Variants in UBE2E1 observed in about 807,000 individuals in gnomAD.
The protein encoded by UBE2E1 is ubiquitin conjugating enzyme E2 E1, also known as ubiquitin-conjugating enzyme E2 E1.
UBE2E1 carries 6 observed loss-of-function variants against 21.4 expected under a neutral mutation model. That is an observed-to-expected ratio of 0.28 (90% CI 0.15 to 0.55). The LOEUF (loss-of-function observed/expected upper bound fraction) is 0.55, where lower values mean the gene tolerates loss of function less well. UBE2E1 is among the 20% of genes least tolerant of loss of function. The probability of loss-of-function intolerance (pLI) is 0.93; values close to 1 mark genes in which losing one functional copy is unlikely to be tolerated. For synonymous variants in UBE2E1, 87 were observed against 82.7 expected, an observed-to-expected ratio of 1.05 and a Z score of -0.28; for missense variants, 142 against 236.5, an observed-to-expected ratio of 0.60 and a Z score of 2.62.
intron 3 of UBE2E1, among the ~76,000 whole-genome samples, chr3:23,846,291 A>G (rs2125304008): frequency 6.6e-6 from 1 of 152,318 alleles, no homozygotes; most frequent in Admixed American, 6.5e-5. Context: ...AGCTGGGTGC[A>G]GTGGCCCATT....
intron 3 of UBE2E1, among the ~76,000 whole-genome samples, chr3:23,857,318 A>G (rs995712412): frequency 6.6e-6 from 1 of 152,174 alleles, no homozygotes; most frequent in African/African-American, 2.4e-5. Context: ...TGTTAAAGTA[A>G]AAGAGGAATT....
chr3:23,883,026 G>A (rs1179089437), intron 3 of UBE2E1, among the ~76,000 whole-genome samples: 7 of 152,222 alleles, frequency 4.6e-5, no homozygotes, highest in African/African-American at 1.4e-4. Flanking sequence ...CGCGGCCAGA[G>A]TGGGCACCAA....
At position 23,870,975 on chromosome 3, in the gene UBE2E1, A is replaced by T. The variant is rs1245650854; in HGVS notation, c.204-16592A>T. 2.0e-5 allele frequency among the ~76,000 whole-genome samples: 3 copies of T among 152,246 alleles called. No individual in the cohort carries two copies. The highest frequency in any genetic ancestry group is 2.9e-5 in the Non-Finnish European group (2 of 68,040). ...CCTGAGTGGACACAGCACATGTTTC[A>T]GAGGGCACAGGGTTGGGGGTAAGGT... On this transcript the variant is annotated intron_variant, in intron 3 of 5. Coordinates refer to ENST00000306627, the MANE Select transcript of UBE2E1 (RefSeq NM_003341.5). The surrounding 1 kb of genome is among the most constrained non-coding windows in gnomAD (Gnocchi z 4.2).
intron 3 of UBE2E1, among the ~76,000 whole-genome samples, chr3:23,872,055 C>T (rs901683594): frequency 2.0e-5 from 3 of 152,080 alleles, no homozygotes; most frequent in African/African-American, 4.8e-5. Flanking sequence ...CGGCCGAGAT[C>T]ACGCCACTGC....
intron 3 of UBE2E1, among the ~76,000 whole-genome samples, chr3:23,833,170 C>T (rs1699904794): frequency 6.6e-6 from 1 of 152,310 alleles, no homozygotes; most frequent in Non-Finnish European, 1.5e-5. Context: ...TGTCTCTTAG[C>T]ACTTCCTTTT....
In UBE2E1 at chr3:23,816,789, A is replaced by C. The variant is rs1699528300; in HGVS notation, c.203+5279A>C. Among the ~76,000 whole-genome samples the C allele has an allele frequency of 6.6e-6, 1 of 152,228 alleles. No individual in the cohort carries two copies. The highest frequency in any genetic ancestry group is 6.5e-5 in the Admixed American group (1 of 15,284). On this transcript the variant is annotated intron_variant, in intron 3 of 5. Transcript: ENST00000306627. The surrounding 1 kb of genome is among the most constrained non-coding windows in gnomAD (Gnocchi z 4.8). ...GATTCCACTTACATGAAATACCTAG[A>C]ATAGGCAAACTCATAAGGACAGACA... is the stretch of plus-strand genomic sequence containing the variant.
chr3:23,848,754 C>CA (rs1252910081), intron 3 of UBE2E1, among the ~76,000 whole-genome samples: 2 of 151,986 alleles, frequency 1.3e-5, no homozygotes, highest in African/African-American at 4.8e-5. Flanking sequence ...AACAGAAGGC[C>CA]AAAAGGGAGG....
intron 3 of UBE2E1, among the ~76,000 whole-genome samples, chr3:23,845,583 C>CTGTGTGTGTGTGTGTGTG (rs768414328): frequency 7.4e-4 from 36 of 48,878 alleles, no homozygotes; most frequent in East Asian, 2.5e-3. Flanking sequence ...CTCTCTCTCT[C>CTGTGTGTGTGTGTGTGTG]TCTCTCTGTG....
chr3:23,862,589 T>C (rs1298057944), intron 3 of UBE2E1, among the ~76,000 whole-genome samples: 1 of 152,234 alleles, frequency 6.6e-6, no homozygotes, highest in Non-Finnish European at 1.5e-5. Flanking sequence ...TTATGCTTGA[T>C]TTCTGGGGAC....
Position 23,890,490 on chromosome 3 carries a change from C to G in UBE2E1, c.485-19C>G. 6.2e-7 allele frequency: 1 copy of G among 1,605,468 alleles called. No homozygotes were observed. The highest frequency in any genetic ancestry group is 8.5e-7 in the Non-Finnish European group (1 of 1,176,356). On this transcript the variant is annotated intron_variant, in intron 5 of 5. Transcript: ENST00000306627. ...GTTCTTTTCCTTTCTCCAAAGTAAT[C>G]TACATTCTTTTCTTCCAGCCGACCC...
intron 3 of UBE2E1, among the ~76,000 whole-genome samples, chr3:23,813,008 A>G (rs1468545001): frequency 6.6e-6 from 1 of 150,640 alleles, no homozygotes; most frequent in Non-Finnish European, 1.5e-5. Context: ...AAAAAAAAAC[A>G]GTGTAAGTAC....
intron 3 of UBE2E1, among the ~76,000 whole-genome samples, chr3:23,871,007 T>C (rs1418914353): frequency 5.9e-5 from 9 of 152,272 alleles, no homozygotes; most frequent in Non-Finnish European, 1.2e-4. Flanking sequence ...AGGTCACAGA[T>C]CAACAGGATC....
intron 3 of UBE2E1, among the ~76,000 whole-genome samples, chr3:23,815,054 C>T (rs1266089296): frequency 6.6e-6 from 1 of 152,106 alleles, no homozygotes; most frequent in Non-Finnish European, 1.5e-5. Context: ...CAGTGGTGCT[C>T]ACTGCAGCCT....
At chr3:23,833,880 C>T (rs1378744259) in intron 3 of UBE2E1, among the ~76,000 whole-genome samples, 1 of 152,134 alleles carries the variant, frequency 6.6e-6, no homozygotes, top group Non-Finnish European at 1.5e-5. Context: ...TGCCTGTAGT[C>T]CCAGCTACTC....
At chr3:23,845,581 C>CTGTGTGTGTGTG (rs1343231599) in intron 3 of UBE2E1, among the ~76,000 whole-genome samples, 52 of 48,478 alleles carry the variant, frequency 1.1e-3, no homozygotes, top group South Asian at 2.5e-3. Context: ...CTCTCTCTCT[C>CTGTGTGTGTGTG]TCTCTCTCTG....
At chr3:23,835,334 G>A (rs1436754688) in intron 3 of UBE2E1, among the ~76,000 whole-genome samples, 2 of 152,114 alleles carry the variant, frequency 1.3e-5, no homozygotes, top group East Asian at 3.9e-4. Flanking sequence ...TAGATGTGCT[G>A]GTGCGCACCT....
At chr3:23,830,443 T>TTGTTTGTTTC in intron 3 of UBE2E1, among the ~76,000 whole-genome samples, 1 of 152,156 alleles carries the variant, frequency 6.6e-6, no homozygotes, top group Middle Eastern at 3.4e-3. Context: ...TTGTTTGTTT[T>TTGTTTGTTTC]TGGCAAGCTG....
In UBE2E1 at chr3:23,843,935, A is replaced by C. The variant is rs138663093; in HGVS notation, c.203+32425A>C. On this transcript the variant is annotated intron_variant, in intron 3 of 5. Coordinates refer to ENST00000306627, the MANE Select transcript of UBE2E1 (RefSeq NM_003341.5). ...ATTTTTTTCTGGTTGCCCGAGTTAC[A>C]GATATTGCCATCTTTATCCTGCAGT... 6.0e-4 allele frequency among the ~76,000 whole-genome samples: 92 copies of C among 152,296 alleles called. No homozygotes were observed. In the East Asian group the frequency reaches 0.016, roughly 27 times the overall value.
intron 3 of UBE2E1, among the ~76,000 whole-genome samples, chr3:23,847,439 A>G (rs1343657912): frequency 2.0e-5 from 3 of 151,950 alleles, no homozygotes; most frequent in Non-Finnish European, 4.4e-5. Context: ...CTGTGGTATT[A>G]ATAGTTTTAA....
Sources: allele counts gnomAD v4.1 joint callset (sites outside exome capture counted in the v4.1 genomes callset), GRCh38; gene constraint gnomAD v4.1.1; non-coding constraint Gnocchi (gnomAD v3.1); transcripts MANE v1.5; gene names NCBI Gene and HGNC (gene_info 2026-07-23, HGNC 2026-07-21).